LRRC38: variants seen among roughly 807,000 people sequenced by gnomAD.
LRRC38 encodes leucine rich repeat containing 38.
Under a neutral mutation model 16.4 loss-of-function variants are expected in LRRC38, and 5 were observed. The observed-to-expected ratio is 0.31, with a 90% CI of 0.16 to 0.64. The LOEUF is 0.64. Ranked by LOEUF, LRRC38 falls within the 30% of genes least tolerant of loss-of-function variation. The pLI is 0.80. For missense variants in LRRC38, 341 were observed against 401.8 expected (o/e 0.85, Z 1.29); for synonymous variants, 191 against 190.2 (o/e 1.00, Z -0.04).
At chr1:13,485,881 G>A (rs965014495) in intron 1 of LRRC38, among the ~76,000 whole-genome samples, 18 of 152,102 alleles carry the variant, frequency 1.2e-4, no homozygotes, top group Admixed American at 1.0e-3. Flanking sequence ...GCCAGGCTGG[G>A]CTCCCTCCAA....
intron 1 of LRRC38, among the ~76,000 whole-genome samples, chr1:13,506,496 C>T (rs544345901): frequency 2.0e-5 from 3 of 152,290 alleles, no homozygotes; most frequent in African/African-American, 4.8e-5. Context: ...CTCGCTCAGT[C>T]GCCCAGGCTG....
At chr1:13,492,068 T>C (rs889883806) in intron 1 of LRRC38, among the ~76,000 whole-genome samples, 1 of 152,156 alleles carries the variant, frequency 6.6e-6, no homozygotes, top group African/African-American at 2.4e-5. Flanking sequence ...CCAGAACTCC[T>C]TCCATCTTCC....
chr1:13,501,293 T>G (rs1027845469), intron 1 of LRRC38, among the ~76,000 whole-genome samples: 2 of 152,128 alleles, frequency 1.3e-5, no homozygotes, highest in Non-Finnish European at 2.9e-5. Context: ...GACATACTAA[T>G]GCAAGATGTT....
At chr1:13,476,333 GTTTGTTT>G (rs931346475) in intron 1 of LRRC38, among the ~76,000 whole-genome samples, 6 of 150,834 alleles carry the variant, frequency 4.0e-5, no homozygotes, top group African/African-American at 9.7e-5. Flanking sequence ...ATTTTCAGGT[GTTTGTTT>G]TTTGTTTTTT....
In LRRC38 at chr1:13,487,984, A is replaced by T. The variant is rs192175194; in HGVS notation, c.632-11885T>A. On this transcript the variant is annotated intron_variant, in intron 1 of 1. Coordinates refer to ENST00000376085, the MANE Select transcript of LRRC38 (RefSeq NM_001010847.2). The surrounding 1 kb of genome is among the most constrained non-coding windows in gnomAD (Gnocchi z 4.4). ...AAATAATCAAAAACAAGGGAGAATT[A>T]AAAAAAAAGTTAACACTTGGCTTAT... Among the ~76,000 whole-genome samples the T allele has an allele frequency of 1.0e-3, 157 of 149,754 alleles. No homozygotes were observed. Among genetic ancestry groups the T allele is most frequent in the Admixed American group, 1.6e-3 (24 of 15,044 alleles).
rs780609755 is a variant in LRRC38 at position 13,513,461 on chromosome 1, G to A, written c.133C>T (p.Arg45Cys). The A allele has an allele frequency of 6.5e-7, 1 of 1,547,044 alleles. No individual in the cohort carries two copies. ...TDPHTVDCRD[R>C]GLPSVPDPFP... Reference sequence around the variant, plus strand: ...GGGTCTGGCACGCTGGGCAGCCCGCGGTCGCGGCAGTCCACGGTGTGCGGG... The same window carrying A: ...GGGTCTGGCACGCTGGGCAGCCCGCAGTCGCGGCAGTCCACGGTGTGCGGG... The change falls in exon 1 of 2, where the codon CGC (arginine) becomes TGC (cysteine). Residue 45 changes from arginine (R) to cysteine (C), a missense_variant. By Grantham distance (180) the Arg-to-Cys change is radical (BLOSUM62 -3). Transcript: ENST00000376085.
intron 1 of LRRC38, among the ~76,000 whole-genome samples, chr1:13,480,045 C>T (rs1005780282): frequency 6.6e-6 from 1 of 152,210 alleles, no homozygotes; most frequent in Non-Finnish European, 1.5e-5. Flanking sequence ...CCCAGTGTGA[C>T]AATCAAAACT....
chr1:13,500,758 C>G (rs538530238), intron 1 of LRRC38, among the ~76,000 whole-genome samples: 1 of 152,312 alleles, frequency 6.6e-6, no homozygotes, highest in South Asian at 2.1e-4. Context: ...AGACCTGTCT[C>G]AGATACCTTT....
At chr1:13,512,101 C>G (rs565859091) in intron 1 of LRRC38, among the ~76,000 whole-genome samples, 1 of 152,322 alleles carries the variant, frequency 6.6e-6, no homozygotes, top group South Asian at 2.1e-4. Context: ...CTGGTGCTCA[C>G]AGGGTCACAA....
chr1:13,502,378 C>T lies in LRRC38; in HGVS notation c.631+10585G>A, dbSNP rs190608991. On this transcript the variant is annotated intron_variant, in intron 1 of 1. Transcript: ENST00000376085. ...TTGCTTCTTTCCCCTGACCTCGGGG[C>T]TCCCATACCTGCCCCCACTTGCTTC... 1.8e-3 allele frequency among the ~76,000 whole-genome samples: 278 copies of T among 152,310 alleles called. 1 individual carries two copies. The highest frequency in any genetic ancestry group is 3.5e-3 in the Non-Finnish European group (240 of 68,032).
chr1:13,481,675 A>T (rs190542034), intron 1 of LRRC38, among the ~76,000 whole-genome samples: 5 of 151,958 alleles, frequency 3.3e-5, no homozygotes, highest in Admixed American at 1.3e-4. Context: ...GATTACAGGC[A>T]TGAGTCACCG....
chr1:13,486,096 G>A (rs1025412834), intron 1 of LRRC38, among the ~76,000 whole-genome samples: 6 of 151,978 alleles, frequency 3.9e-5, no homozygotes, highest in Non-Finnish European at 8.8e-5. Context: ...CCACCACCAC[G>A]CCCGGCTAAT....
In LRRC38 at chr1:13,487,805, T is replaced by A. The variant is rs985100329; in HGVS notation, c.632-11706A>T. Among the ~76,000 whole-genome samples the A allele has an allele frequency of 1.3e-5, 2 of 152,176 alleles. No homozygotes were observed. The highest frequency in any genetic ancestry group is 2.9e-5 in the Non-Finnish European group (2 of 68,032). On this transcript the variant is annotated intron_variant, in intron 1 of 1. Transcript: ENST00000376085. The surrounding 1 kb of genome is among the most constrained non-coding windows in gnomAD (Gnocchi z 4.4). ...AACAAACAGGCCTGCAGCCAGAGGA[T>A]CTCTCAGGCCCTTTCCCCTGATCTG...
chr1:13,486,811 G>A (rs976133784), intron 1 of LRRC38, among the ~76,000 whole-genome samples: 6 of 151,988 alleles, frequency 3.9e-5, no homozygotes, highest in East Asian at 3.9e-4. Flanking sequence ...GGCTGGTCTC[G>A]AACTCCCAGA....
chr1:13,486,014 C>T (rs1044250003), intron 1 of LRRC38, among the ~76,000 whole-genome samples: 1 of 152,192 alleles, frequency 6.6e-6, no homozygotes, highest in South Asian at 2.1e-4. Context: ...TCTCGGCTCA[C>T]TGCAACCTCT....
At chr1:13,512,921 G>GCCCCCCGGCC in intron 1 of LRRC38, 42 bp downstream of exon 1, 2 of 1,246,172 alleles carry the variant, frequency 1.6e-6, no homozygotes, top group Non-Finnish European at 2.2e-6. Context: ...GCCTCTCCCT[G>GCCCCCCGGCC]CCCCCCTCCC....
chr1:13,512,640 G>T (rs1239419045), intron 1 of LRRC38, among the ~76,000 whole-genome samples: 5 of 152,000 alleles, frequency 3.3e-5, no homozygotes. Flanking sequence ...GGACGCATAA[G>T]TAATCCACAC....
intron 1 of LRRC38, among the ~76,000 whole-genome samples, chr1:13,480,729 T>C (rs1048190548): frequency 2.0e-5 from 3 of 152,104 alleles, no homozygotes; most frequent in Admixed American, 1.3e-4. Flanking sequence ...GTGAGTTTGC[T>C]CCTCCTTCAC....
chr1:13,504,762 G>A (rs1349495773), intron 1 of LRRC38, among the ~76,000 whole-genome samples: 1 of 91,570 alleles, frequency 1.1e-5, no homozygotes, highest in Non-Finnish European at 2.1e-5. Context: ...GGGAGGGGAG[G>A]GGAAGGGAGG....
Sources: gnomAD v4.1 joint callset for allele counts (sites outside exome capture counted in the v4.1 genomes callset) on GRCh38, gnomAD v4.1.1 for gene constraint, Gnocchi (gnomAD v3.1) non-coding constraint, MANE v1.5 for transcripts, NCBI Gene and HGNC (gene_info 2026-07-23, HGNC 2026-07-21) for gene names.